ULK4: variants seen among roughly 807,000 people sequenced by gnomAD.
ULK4 encodes the protein inactive serine/threonine-protein kinase ULK4.
A neutral mutation model predicts 160.6 loss-of-function variants in ULK4; 133 were observed. The ratio of observed to expected loss-of-function variants is 0.83; its 90% CI spans 0.72 to 0.96. ULK4 has a LOEUF of 0.96. Ranked by LOEUF, ULK4 falls within the 40% of genes least tolerant of loss-of-function variation. ULK4 has a pLI of 0.00. For missense variants in ULK4, 1,580 were observed against 1,499.5 expected (o/e 1.05, Z -0.89); for synonymous variants, 534 against 539.8 (o/e 0.99, Z 0.15).
intron 21 of ULK4, among the ~76,000 whole-genome samples, chr3:41,769,874 C>CT (rs2039295585): frequency 6.6e-6 from 1 of 152,024 alleles, no homozygotes; most frequent in Non-Finnish European, 1.5e-5. Context: ...ATGGTCAAAG[C>CT]TAAAAATCAA....
chr3:41,815,773 T>G (rs1012285351), intron 19 of ULK4, among the ~76,000 whole-genome samples: 1 of 151,978 alleles, frequency 6.6e-6, no homozygotes, highest in Non-Finnish European at 1.5e-5. Flanking sequence ...TTTTTATTTT[T>G]AAAAACCAAC....
intron 22 of ULK4, among the ~76,000 whole-genome samples, chr3:41,733,023 T>C (rs1156874886): frequency 6.6e-6 from 1 of 152,138 alleles, no homozygotes; most frequent in Non-Finnish European, 1.5e-5. Context: ...GAAAATAAGT[T>C]ATCGTGTTCT....
At chr3:41,293,081 C>T (rs575755331) in intron 35 of ULK4, among the ~76,000 whole-genome samples, 7 of 152,246 alleles carry the variant, frequency 4.6e-5, no homozygotes, top group African/African-American at 1.7e-4. Context: ...AGGATCATGT[C>T]ACTGCACTCC....
intron 35 of ULK4, among the ~76,000 whole-genome samples, chr3:41,292,787 T>C (rs1277010698): frequency 1.3e-5 from 2 of 149,290 alleles, no homozygotes; most frequent in African/African-American, 5.0e-5. Context: ...CTATTAAAAA[T>C]ACAAAAATTA....
At chr3:41,506,448 C>A (rs914927049) in intron 32 of ULK4, among the ~76,000 whole-genome samples, 2 of 151,994 alleles carry the variant, frequency 1.3e-5, no homozygotes, top group Non-Finnish European at 2.9e-5. Flanking sequence ...GACAATAATT[C>A]ATCTAACATT....
chr3:41,694,264 G>A (rs747373385), intron 27 of ULK4, among the ~76,000 whole-genome samples: 7 of 152,318 alleles, frequency 4.6e-5, no homozygotes, highest in South Asian at 4.2e-4. Flanking sequence ...AGATAGGCAC[G>A]TGTATGTAAG....
chr3:41,850,338 G>C (rs2042179233), intron 17 of ULK4, among the ~76,000 whole-genome samples: 1 of 152,144 alleles, frequency 6.6e-6, no homozygotes, highest in Non-Finnish European at 1.5e-5. Context: ...GTAATGGGAT[G>C]GCTGGGTCAA....
intron 21 of ULK4, among the ~76,000 whole-genome samples, chr3:41,771,455 T>G (rs966547061): frequency 1.3e-5 from 2 of 152,212 alleles, no homozygotes; most frequent in African/African-American, 4.8e-5. Context: ...AATGTAAATT[T>G]ATGATTTGTA....
At chr3:41,457,959 T>G (rs1341955630) in intron 33 of ULK4, among the ~76,000 whole-genome samples, 1 of 152,106 alleles carries the variant, frequency 6.6e-6, no homozygotes, top group Non-Finnish European at 1.5e-5. Flanking sequence ...GTGTTAGATG[T>G]TTATGGTAAA....
At chr3:41,587,101 C>T (rs1252504918) in intron 31 of ULK4, among the ~76,000 whole-genome samples, 1 of 152,132 alleles carries the variant, frequency 6.6e-6, no homozygotes, top group African/African-American at 2.4e-5. Flanking sequence ...CTAAGCTCAT[C>T]CAGATTGCTA....
At chr3:41,465,460 C>T (rs2125881383) in intron 32 of ULK4, among the ~76,000 whole-genome samples, 1 of 152,294 alleles carries the variant, frequency 6.6e-6, no homozygotes, top group Admixed American at 6.5e-5. Flanking sequence ...ATATACTCAA[C>T]TGTCTCAAAA....
intron 30 of ULK4, among the ~76,000 whole-genome samples, chr3:41,652,845 G>A (rs1157378992): frequency 6.6e-6 from 1 of 152,168 alleles, no homozygotes; most frequent in African/African-American, 2.4e-5. Flanking sequence ...GGACTCTGCT[G>A]AGTAGTACAA....
chr3:41,713,454 G>A (rs570003142), intron 25 of ULK4, among the ~76,000 whole-genome samples: 1 of 152,186 alleles, frequency 6.6e-6, no homozygotes, highest in South Asian at 2.1e-4. Flanking sequence ...GTATACAAAA[G>A]GTGAACACAC....
At chr3:41,534,743 G>A (rs2086437472) in intron 32 of ULK4, among the ~76,000 whole-genome samples, 1 of 152,028 alleles carries the variant, frequency 6.6e-6, no homozygotes. Flanking sequence ...AAGAAAACAT[G>A]CTAATTACAG....
intron 30 of ULK4, among the ~76,000 whole-genome samples, chr3:41,624,461 A>T (rs2033396178): frequency 6.6e-6 from 1 of 152,062 alleles, no homozygotes; most frequent in Non-Finnish European, 1.5e-5. Flanking sequence ...AACTATCTTA[A>T]TTCCTTCTTA....
At chr3:41,713,352 C>T (rs1575597486) in intron 25 of ULK4, among the ~76,000 whole-genome samples, 1 of 152,098 alleles carries the variant, frequency 6.6e-6, no homozygotes, top group East Asian at 1.9e-4. Context: ...ATAATGTGCA[C>T]AAGAACTGTA....
At chr3:41,836,757 A>C (rs1355607723) in intron 17 of ULK4, among the ~76,000 whole-genome samples, 3 of 152,228 alleles carry the variant, frequency 2.0e-5, no homozygotes, top group Non-Finnish European at 4.4e-5. Context: ...TTGTAATATA[A>C]TGTACGCTGA....
chr3:41,740,900 T>A (rs1466700910), intron 22 of ULK4, among the ~76,000 whole-genome samples: 3 of 151,960 alleles, frequency 2.0e-5, no homozygotes, highest in Non-Finnish European at 4.4e-5. Context: ...ATATTCAACC[T>A]TGCATTTTAT....
chr3:41,601,898 A>T (rs917053989), intron 31 of ULK4, among the ~76,000 whole-genome samples: 7 of 152,012 alleles, frequency 4.6e-5, no homozygotes, highest in Admixed American at 2.6e-4. Context: ...ACTATAGAAA[A>T]TTAGTGAAAT....
Sources: gnomAD v4.1 joint callset for allele counts (sites outside exome capture counted in the v4.1 genomes callset) on GRCh38, gnomAD v4.1.1 for gene constraint, MANE v1.5 for transcripts, NCBI Gene and HGNC (gene_info 2026-07-23, HGNC 2026-07-21) for gene names.